Variants in FDFT1 observed in about 807,000 individuals in gnomAD.
The protein encoded by FDFT1 is squalene synthase.
In FDFT1, 68 loss-of-function variants were observed where a neutral mutation model predicts 46.8. The observed-to-expected ratio is 1.45, with a 90% CI of 1.19 to 1.78. FDFT1 has a LOEUF of 1.78. Ranked by LOEUF, FDFT1 falls within the 40% of genes most tolerant of loss-of-function variation. FDFT1 has a pLI of 0.00. For synonymous variants in FDFT1, 351 were observed against 185.1 expected (o/e 1.90, Z -7.28); for missense variants, 928 against 524.4 (o/e 1.77, Z -7.52).
At chr8:11,796,584 G>A (rs949424661) in intron 1 of FDFT1, among the ~76,000 whole-genome samples, 3 of 152,212 alleles carry the variant, frequency 2.0e-5, no homozygotes, top group Non-Finnish European at 4.4e-5. Flanking sequence ...CGGTGGAAAA[G>A]GGGAAGGCTG....
At chr8:11,829,944 T>G (rs1006809157) in intron 5 of FDFT1, among the ~76,000 whole-genome samples, 4 of 151,812 alleles carry the variant, frequency 2.6e-5, no homozygotes, top group African/African-American at 9.7e-5. Context: ...GCCCCCTAGG[T>G]TCAAGCAATT....
chr8:11,809,744 A>G lies in FDFT1; in HGVS notation c.275A>G (p.Lys92Arg), dbSNP rs775118817. The G allele has an allele frequency of 2.5e-6, 4 of 1,614,166 alleles. No individual in the cohort carries two copies. Among genetic ancestry groups the G allele is most frequent in the Non-Finnish European group, 3.4e-6 (4 of 1,180,010 alleles). ...GATGACATGACCATCAGTGTGGAAA[A>G]GAAGGTCCCGCTGTTACACAACTTT... is the stretch of plus-strand genomic sequence containing the variant. ...LEDDMTISVE[K>R]KVPLLHNFHS... Residue 92 changes from lysine (K) to arginine (R), a missense_variant, in exon 3 of 8, where the codon AAG becomes AGG. Lys to Arg is a conservative substitution (Grantham distance 26). Coordinates refer to ENST00000220584, the MANE Select transcript of FDFT1 (RefSeq NM_004462.5).
Position 11,830,433 on chromosome 8 carries a change from G to T in FDFT1, c.879+13G>T, listed in dbSNP as rs1810620029. On this transcript the variant is annotated intron_variant, in intron 6 of 7. Transcript: ENST00000220584. ...TGCTATTCCACAGGTAGGGAAGGGG[G>T]CTCCTCTGGGTGGATACGGGGCTAA... 3 of 1,599,148 alleles carry T rather than the reference G, an allele frequency of 1.9e-6. No homozygotes were observed. Among genetic ancestry groups the T allele is most frequent in the Non-Finnish European group, 2.6e-6 (3 of 1,167,510 alleles).
intron 4 of FDFT1, among the ~76,000 whole-genome samples, chr8:11,824,864 T>C (rs575343248): frequency 6.6e-6 from 1 of 152,304 alleles, no homozygotes; most frequent in East Asian, 1.9e-4. Context: ...GCCTTCTGAG[T>C]AGCTGGGACT....
chr8:11,803,076 G>A (rs1043352877), intron 1 of FDFT1, 145 bp downstream of exon 1: 28 of 1,447,454 alleles, frequency 1.9e-5, no homozygotes, highest in Non-Finnish European at 2.5e-5. Flanking sequence ...CTTTCCTCGA[G>A]CCTTCCCCCT....
At position 11,809,650 on chromosome 8, in the gene FDFT1, T is replaced by C. The variant is rs772335513; in HGVS notation, c.198-17T>C. On this transcript the variant is annotated splice_polypyrimidine_tract_variant and intron_variant, in intron 2 of 7. Transcript: ENST00000220584. ...GCTGTTTGTTCCAATATATTAATAG[T>C]TTTCCCTTTTTTACAGCAACGCAGT... 9 of 1,577,908 alleles carry C rather than the reference T, an allele frequency of 5.7e-6. No individual in the cohort carries two copies. The East Asian group carries it at 1.8e-4, about 32-fold the overall frequency.
rs771143809 is a variant in FDFT1, at chr8:11,802,825, G to A, written c.-8G>A. The A allele has an allele frequency of 1.2e-6, 2 of 1,605,572 alleles. No individual in the cohort carries two copies. The highest frequency in any genetic ancestry group is 8.5e-7 in the Non-Finnish European group (1 of 1,175,688). ...AGTCGCGCCCGGGAGTCCGCCGCCT[G>A]CGCCAGGATGGAGTTCGTGAAATGC... is the stretch of plus-strand genomic sequence containing the variant. On this transcript the variant is annotated 5_prime_UTR_variant, in exon 1 of 8. Coordinates refer to ENST00000220584, the MANE Select transcript of FDFT1 (RefSeq NM_004462.5).
chr8:11,801,517 AG>A (rs1806114771), upstream of FDFT1, among the ~76,000 whole-genome samples: 2 of 152,274 alleles, frequency 1.3e-5, no homozygotes, highest in Admixed American at 6.5e-5. Flanking sequence ...ACGCAGTTTC[AG>A]CATGTTGGCC....
At chr8:11,831,035 A>C (rs983274208) in intron 6 of FDFT1, among the ~76,000 whole-genome samples, 1 of 152,200 alleles carries the variant, frequency 6.6e-6, no homozygotes, top group African/African-American at 2.4e-5. Context: ...CCATTTACCT[A>C]GAAATACTTT....
intron 3 of FDFT1, among the ~76,000 whole-genome samples, chr8:11,815,939 G>C (rs950600649): frequency 6.6e-5 from 10 of 152,104 alleles, no homozygotes; most frequent in Non-Finnish European, 1.0e-4. Context: ...TGAAGTCTTT[G>C]CCCATGCCTA....
intron 4 of FDFT1, among the ~76,000 whole-genome samples, chr8:11,822,743 G>A (rs1404941656): frequency 6.6e-6 from 1 of 152,160 alleles, no homozygotes; most frequent in Admixed American, 6.5e-5. Flanking sequence ...TTGAGCCCAA[G>A]AGTTGAAGGT....
At chr8:11,814,039 A>C (rs1585903987) in intron 3 of FDFT1, among the ~76,000 whole-genome samples, 1 of 152,354 alleles carries the variant, frequency 6.6e-6, no homozygotes, top group Middle Eastern at 3.4e-3. Flanking sequence ...GGTGAAGTTC[A>C]GAAGTGAAAG....
intron 3 of FDFT1, among the ~76,000 whole-genome samples, chr8:11,813,496 G>T (rs575217783): frequency 3.9e-5 from 6 of 152,262 alleles, no homozygotes; most frequent in African/African-American, 1.4e-4. Context: ...GGAAACTGAG[G>T]CACAGAGAAA....
intron 1 of FDFT1, 73 bp from the exon 2 acceptor site, chr8:11,808,721 C>CTCCCACTCCCACTCCCAT: frequency 6.8e-7 from 1 of 1,464,170 alleles, no homozygotes; most frequent in South Asian, 1.2e-5. Context: ...CCCACTCCCA[C>CTCCCACTCCCACTCCCAT]TCCCACTCCC....
At chr8:11,825,948 G>A (rs1484807683) in intron 4 of FDFT1, 76 bp from the exon 5 acceptor site, 2 of 1,013,456 alleles carry the variant, frequency 2.0e-6, no homozygotes, top group Non-Finnish European at 2.7e-6. Context: ...CTGCTTTTTT[G>A]TAGCTAATGA....
intron 5 of FDFT1, among the ~76,000 whole-genome samples, chr8:11,829,844 G>T (rs58625224): frequency 0.036 from 5,289 of 146,706 alleles, 320 homozygotes; most frequent in African/African-American, 0.13. Flanking sequence ...GTTTTTTTTT[G>T]TTTTGTTTTG....
chr8:11,809,796 G>T lies in FDFT1; in HGVS notation c.327G>T (p.Trp109Cys). 6.2e-7 allele frequency: 1 copy of T among 1,614,180 alleles called. No individual in the cohort carries two copies. Among genetic ancestry groups the T allele is most frequent in the East Asian group, 2.2e-5 (1 of 44,894 alleles). Residue 109 changes from tryptophan to cysteine, a missense_variant, in exon 3 of 8, where the codon TGG becomes TGT. Trp to Cys is a radical substitution (Grantham distance 215). Coordinates refer to ENST00000220584, the MANE Select transcript of FDFT1 (RefSeq NM_004462.5). ...ACTCTTTCCTTTACCAACCAGACTG[G>T]CGGTTCATGGAGAGCAAGGAGAAGG... ...NFHSFLYQPD[W>C]RFMESKEKDR...
intron 3 of FDFT1, among the ~76,000 whole-genome samples, chr8:11,819,236 T>G (rs1014868788): frequency 2.6e-5 from 4 of 152,214 alleles, no homozygotes; most frequent in African/African-American, 7.2e-5. Context: ...CTGATGGGCT[T>G]CCCTTTGTGG....
At chr8:11,815,537 T>C (rs1319148503) in intron 3 of FDFT1, among the ~76,000 whole-genome samples, 1 of 152,244 alleles carries the variant, frequency 6.6e-6, no homozygotes, top group African/African-American at 2.4e-5. Flanking sequence ...ATCTGTTGTT[T>C]CCTGACTTTT....
Sources: allele counts gnomAD v4.1 joint callset (sites outside exome capture counted in the v4.1 genomes callset), GRCh38; gene constraint gnomAD v4.1.1; transcripts MANE v1.5; gene names NCBI Gene and HGNC (gene_info 2026-07-23, HGNC 2026-07-21).